EIF2AK2: variants seen among roughly 807,000 people sequenced by gnomAD.
The protein encoded by EIF2AK2 is eukaryotic translation initiation factor 2 alpha kinase 2, also known as interferon-induced, double-stranded RNA-activated protein kinase.
Under a neutral mutation model 70.5 loss-of-function variants are expected in EIF2AK2, and 40 were observed. The observed-to-expected ratio is 0.57, with a 90% CI of 0.44 to 0.74. The LOEUF (loss-of-function observed/expected upper bound fraction) is 0.74. EIF2AK2 is among the 30% of genes least tolerant of loss of function. The probability of loss-of-function intolerance (pLI) is 0.00; values close to 1 mark genes in which losing one functional copy is unlikely to be tolerated. For synonymous variants in EIF2AK2, 198 were observed against 220.9 expected, an observed-to-expected ratio of 0.90 and a Z score of 0.92; for missense variants, 555 against 644.3, an observed-to-expected ratio of 0.86 and a Z score of 1.50.
Position 37,147,741 on chromosome 2 carries a change from T to C in EIF2AK2, c.66A>G (p.Gly22=). Residue 22 remains glycine (G), a synonymous_variant, in exon 3 of 17, where the codon GGA becomes GGG. Transcript: ENST00000233057. ...GCAGTTCTTGATATTTAAGTACTAC[T>C]CCCTGCTTCTGACGGTATGTATTAA... ...EELNTYRQKQ[G]VVLKYQELPN... 1 of 1,613,774 alleles carries C rather than the reference T, an allele frequency of 6.2e-7. No homozygotes were observed. The highest frequency in any genetic ancestry group is 1.3e-5 in the African/African-American group (1 of 74,986).
intron 8 of EIF2AK2, among the ~76,000 whole-genome samples, chr2:37,137,870 G>C (rs1402793542): frequency 1.3e-5 from 2 of 151,974 alleles, no homozygotes; most frequent in Non-Finnish European, 2.9e-5. Context: ...CCCAGCACTT[G>C]GGGAGGCCGA....
chr2:37,136,870 T>C (rs1439069571), intron 9 of EIF2AK2, 113 bp downstream of exon 9: 2 of 976,320 alleles, frequency 2.0e-6, no homozygotes, highest in East Asian at 5.6e-5. Context: ...GCTTTCTGCT[T>C]CTGAAACTCT....
At chr2:37,139,177 C>G (rs191839117) in intron 6 of EIF2AK2, among the ~76,000 whole-genome samples, 1 of 151,788 alleles carries the variant, frequency 6.6e-6, no homozygotes, top group South Asian at 2.1e-4. Flanking sequence ...TAGCCGGGCA[C>G]GGTAGCAGGC....
chr2:37,143,458 A>T (rs1225254975), intron 4 of EIF2AK2, among the ~76,000 whole-genome samples: 1 of 152,202 alleles, frequency 6.6e-6, no homozygotes, highest in Non-Finnish European at 1.5e-5. Context: ...GGCTCGCTAT[A>T]TCCACGGGTT....
rs892043154 is a variant in EIF2AK2 at position 37,106,495 on chromosome 2, T to C, written c.*778A>G. The C allele has an allele frequency of 5.3e-5, 8 of 152,148 alleles. No individual in the cohort carries two copies. Among genetic ancestry groups the C allele is most frequent in the Middle Eastern group, 3.4e-3 (1 of 294 alleles). 9.4% of individuals were successfully genotyped at this position (152,148 alleles called of 1,614,324 possible). On this transcript the variant is annotated 3_prime_UTR_variant, in exon 17 of 17. Coordinates refer to ENST00000233057, the MANE Select transcript of EIF2AK2 (RefSeq NM_001135651.3). ...AGCACGTATGTAGGAATAGAATTGA[T>C]AGCTATGTGGGTATACATGGATTCA...
intron 10 of EIF2AK2, among the ~76,000 whole-genome samples, chr2:37,126,989 A>AAAAAAAAAAAAC (rs1674759018): frequency 7.6e-6 from 1 of 131,092 alleles, no homozygotes; most frequent in Non-Finnish European, 1.7e-5. Context: ...AAAAAAAAAA[A>AAAAAAAAAAAAC]AAAAAAAAAA....
chr2:37,114,961 A>T, intron 13 of EIF2AK2, 102 bp from the exon 14 acceptor site: 1 of 784,552 alleles, frequency 1.3e-6, no homozygotes, highest in Non-Finnish European at 1.8e-6. Flanking sequence ...TATTTATAAG[A>T]CCTTTACCCT....
intron 4 of EIF2AK2, among the ~76,000 whole-genome samples, chr2:37,141,921 C>T (rs1675346496): frequency 6.6e-6 from 1 of 152,124 alleles, no homozygotes. Flanking sequence ...AAAGAAGTCA[C>T]TTTTTCTTGT....
chr2:37,142,041 T>C (rs890707429), intron 4 of EIF2AK2, among the ~76,000 whole-genome samples: 1 of 152,250 alleles, frequency 6.6e-6, no homozygotes, highest in African/African-American at 2.4e-5. Flanking sequence ...CATAACTTAA[T>C]GAAAAAGATG....
chr2:37,126,286 T>C lies in EIF2AK2; in HGVS notation c.908+3A>G, dbSNP rs1471005400. ...CAAAAAAATGTAAACATTTACTACT[T>C]ACTCGTTATTATATTTAACACGTTT... is the stretch of plus-strand genomic sequence containing the variant. On this transcript the variant is annotated splice_donor_region_variant and intron_variant, in intron 11 of 16. Transcript: ENST00000233057. The C allele has an allele frequency of 3.0e-5, 47 of 1,586,678 alleles. No individual in the cohort carries two copies. Among genetic ancestry groups the C allele is most frequent in the Non-Finnish European group, 4.0e-5 (47 of 1,167,340 alleles).
At chr2:37,127,523 C>G (rs1344074108) in intron 10 of EIF2AK2, among the ~76,000 whole-genome samples, 1 of 152,164 alleles carries the variant, frequency 6.6e-6, no homozygotes, top group Non-Finnish European at 1.5e-5. Context: ...ACTCAAAGCA[C>G]ACACTCTTCT....
chr2:37,119,590 T>C (rs1189269093), intron 13 of EIF2AK2, among the ~76,000 whole-genome samples: 2 of 151,018 alleles, frequency 1.3e-5, no homozygotes, highest in Non-Finnish European at 2.9e-5. Context: ...TTATTTTATA[T>C]ATATATATAA....
intron 10 of EIF2AK2, among the ~76,000 whole-genome samples, chr2:37,131,743 C>T (rs758814545): frequency 4.6e-5 from 7 of 152,104 alleles, no homozygotes; most frequent in Non-Finnish European, 1.0e-4. Flanking sequence ...CCCCGCCAAG[C>T]AGGATATGCA....
Position 37,106,490 on chromosome 2 carries a change from A to T in EIF2AK2, c.*783T>A, listed in dbSNP as rs1447653148. The T allele has an allele frequency of 4.0e-5, 6 of 151,572 alleles. No homozygotes were observed. Among genetic ancestry groups the T allele is most frequent in the African/African-American group, 1.5e-4 (6 of 41,214 alleles). The allele number at this position is 151,572 out of a possible 1,614,324, so 9.4% of individuals were successfully genotyped here. On this transcript the variant is annotated 3_prime_UTR_variant, in exon 17 of 17. Coordinates refer to ENST00000233057, the MANE Select transcript of EIF2AK2 (RefSeq NM_001135651.3). The stretch of plus-strand genomic sequence containing the variant: ...TTGTAAGCACGTATGTAGGAATAGA[A>T]TTGATAGCTATGTGGGTATACATGG...
intron 6 of EIF2AK2, among the ~76,000 whole-genome samples, chr2:37,138,939 G>A (rs1675223834): frequency 6.6e-6 from 1 of 151,594 alleles, no homozygotes; most frequent in African/African-American, 2.4e-5. Flanking sequence ...AGGACTACAG[G>A]TACATGCCAC....
At chr2:37,117,713 C>T (rs942417656) in intron 13 of EIF2AK2, among the ~76,000 whole-genome samples, 2 of 152,174 alleles carry the variant, frequency 1.3e-5, no homozygotes, top group Non-Finnish European at 2.9e-5. Flanking sequence ...GGAGACTGAA[C>T]ATTTTAGAGA....
chr2:37,132,906 T>C (rs1409719807), intron 10 of EIF2AK2, among the ~76,000 whole-genome samples: 1 of 152,208 alleles, frequency 6.6e-6, no homozygotes, highest in Non-Finnish European at 1.5e-5. Flanking sequence ...CTTTTCGGCA[T>C]GGGTTGAGGC....
intron 1 of EIF2AK2, among the ~76,000 whole-genome samples, chr2:37,154,691 G>A (rs1463651132): frequency 1.3e-5 from 2 of 152,102 alleles, no homozygotes; most frequent in Non-Finnish European, 1.5e-5. Flanking sequence ...ATTCCGAGTA[G>A]CTGGGATTAC....
intron 11 of EIF2AK2, 86 bp from the exon 12 acceptor site, chr2:37,122,750 C>A: frequency 6.6e-7 from 1 of 1,510,654 alleles, no homozygotes; most frequent in South Asian, 1.2e-5. Flanking sequence ...AGACAACTGT[C>A]TACATTCCCT....
Sources: gnomAD v4.1 joint callset for allele counts (sites outside exome capture counted in the v4.1 genomes callset) on GRCh38, gnomAD v4.1.1 for gene constraint, MANE v1.5 for transcripts, NCBI Gene and HGNC (gene_info 2026-07-23, HGNC 2026-07-21) for gene names.